DOCK9: variants seen among roughly 807,000 people sequenced by gnomAD.
DOCK9 encodes dedicator of cytokinesis protein 9.
A neutral mutation model predicts 263.3 loss-of-function variants in DOCK9; 89 were observed. That is an observed-to-expected ratio of 0.34 (90% CI 0.28 to 0.40). The LOEUF (loss-of-function observed/expected upper bound fraction) is 0.40, where lower values mean the gene tolerates loss of function less well. DOCK9 is among the 10% of genes least tolerant of loss of function. The probability of loss-of-function intolerance (pLI) is 1.00; values close to 1 mark genes in which losing one functional copy is unlikely to be tolerated. For synonymous variants in DOCK9, 976 were observed against 973.1 expected (o/e 1.00, Z -0.06); for missense variants, 2,140 against 2,603.4 (o/e 0.82, Z 3.87).
rs552657540 is a variant in DOCK9, at chr13:98,914,838, A to G, written c.893-443T>C. ...TGAAGTAAAACATGAATTGTCAAGA[A>G]CATAGCCAGATTTTTCTCACCAATT... On this transcript the variant is annotated intron_variant, in intron 8 of 52. Coordinates refer to ENST00000682017, the MANE Select transcript of DOCK9 (RefSeq NM_001366683.2). Among the ~76,000 whole-genome samples, 3 of 152,338 alleles carry G rather than the reference A, an allele frequency of 2.0e-5. No homozygotes were observed. In the South Asian group the frequency reaches 6.2e-4, roughly 32 times the overall value.
chr13:98,969,528 G>C (rs556093039), intron 1 of DOCK9, among the ~76,000 whole-genome samples: 1 of 152,270 alleles, frequency 6.6e-6, no homozygotes, highest in East Asian at 1.9e-4. Context: ...CCACTCGGGT[G>C]GTTCTTGTTG....
chr13:99,074,463 C>T (rs1050997449), intron 1 of DOCK9, among the ~76,000 whole-genome samples: 2 of 152,208 alleles, frequency 1.3e-5, no homozygotes, highest in African/African-American at 4.8e-5. Flanking sequence ...AAAAACAGCT[C>T]GGAGCAGTCT....
At position 98,797,235 on chromosome 13, in the gene DOCK9, G is replaced by A. The variant is rs41279128; in HGVS notation, c.6036C>T (p.Cys2012=). The A allele has an allele frequency of 5.5e-3, 8,835 of 1,613,846 alleles. 33 individuals are homozygous for A. The highest frequency in any genetic ancestry group is 7.4e-3 in the Middle Eastern group (45 of 6,062). ...KEVFRQFVEA[C]GQALAVNERL... ...GTTCGTTTACCGCTAAGGCTTGACC[G>A]CAAGCTTCCACAAATTGCCTGGAAT... is the stretch of plus-strand genomic sequence containing the variant. Residue 2012 remains cysteine (C), a synonymous_variant, in exon 52 of 53, where the codon TGC becomes TGT. Coordinates refer to ENST00000682017, the MANE Select transcript of DOCK9 (RefSeq NM_001366683.2).
In DOCK9 at chr13:98,831,488, C is replaced by T; in HGVS notation, c.4495G>A (p.Ala1499Thr). ...FYEGRADMCA[A>T]LCYEILKCCN... Reference sequence around the variant, plus strand: ...CACTTGAGAATCTCGTAACACAGAGCCGCACACATGTCCGCTCTCCCTTCA... The same window carrying T: ...CACTTGAGAATCTCGTAACACAGAGTCGCACACATGTCCGCTCTCCCTTCA... Residue 1499 changes from alanine to threonine, a missense_variant, in exon 41 of 53, where the codon GCT becomes ACT. Ala to Thr is a moderately conservative substitution (Grantham distance 58). This residue lies in a region of DOCK9 where 619 missense variants were observed against 861.8 expected (regional missense o/e 0.72). Coordinates refer to ENST00000682017, the MANE Select transcript of DOCK9 (RefSeq NM_001366683.2). 6.3e-7 allele frequency: 1 copy of T among 1,591,212 alleles called. No homozygotes were observed. Among genetic ancestry groups the T allele is most frequent in the East Asian group, 2.3e-5 (1 of 44,056 alleles).
chr13:98,941,237 C>G (rs2055784361), intron 2 of DOCK9, among the ~76,000 whole-genome samples: 2 of 152,164 alleles, frequency 1.3e-5, no homozygotes, highest in African/African-American at 4.8e-5. Context: ...CAGCAGAACA[C>G]CTGGCACAAG....
At chr13:98,938,389 T>C (rs150446040) in intron 2 of DOCK9, among the ~76,000 whole-genome samples, 237 of 152,378 alleles carry the variant, frequency 1.6e-3, no homozygotes, top group African/African-American at 5.5e-3. Flanking sequence ...TTCTAGGATC[T>C]CTAGGTTTCC....
At chr13:99,018,533 G>C (rs796966777) in intron 1 of DOCK9, among the ~76,000 whole-genome samples, 11 of 121,506 alleles carry the variant, frequency 9.1e-5, no homozygotes, top group African/African-American at 3.0e-4. Context: ...AGCAACTTGT[G>C]CCAAATTTTA....
At position 98,977,803 on chromosome 13, in the gene DOCK9, T is replaced by C. The variant is rs1305492065; in HGVS notation, c.107A>G (p.Glu36Gly). ...TCTTACCGGCACAGGGCCCGGGCTC[T>C]CTGCTTCCACTTCGCCCTGAGCTGC... ...KDAAQGEVEA[E>G]SPGPVPAKPK... The change falls in exon 1 of 53, where the codon GAG becomes GGG. Residue 36 changes from glutamate (E) to glycine (G), a missense_variant. This residue lies in a region of DOCK9 where 1,521 missense variants were observed against 1,741.7 expected (regional missense o/e 0.87). Coordinates refer to ENST00000682017, the MANE Select transcript of DOCK9 (RefSeq NM_001366683.2). 6.2e-7 allele frequency: 1 copy of C among 1,611,886 alleles called. No individual in the cohort carries two copies.
chr13:99,009,562 T>C (rs1467780797), intron 1 of DOCK9, among the ~76,000 whole-genome samples: 1 of 152,066 alleles, frequency 6.6e-6, no homozygotes, highest in East Asian at 1.9e-4. Flanking sequence ...AGATCTGGCC[T>C]CTACTTTCCC....
intron 1 of DOCK9, among the ~76,000 whole-genome samples, chr13:98,994,978 G>C (rs540381336): frequency 6.6e-6 from 1 of 152,218 alleles, no homozygotes; most frequent in South Asian, 2.1e-4. Flanking sequence ...CGTGAGGTAT[G>C]GTTATTACCC....
chr13:99,069,502 T>C (rs1219605519), intron 1 of DOCK9, among the ~76,000 whole-genome samples: 4 of 152,218 alleles, frequency 2.6e-5, no homozygotes, highest in Non-Finnish European at 5.9e-5. Flanking sequence ...AACACACAAG[T>C]GTAAACAAAG....
At chr13:98,907,087 A>G (rs1256152213) in intron 9 of DOCK9, among the ~76,000 whole-genome samples, 1 of 152,150 alleles carries the variant, frequency 6.6e-6, no homozygotes, top group African/African-American at 2.4e-5. Flanking sequence ...ATTTTATTCT[A>G]TCCTGCCTAT....
rs75345482 is a variant in DOCK9, at chr13:98,916,337, C to T, written c.718-834G>A. Among the ~76,000 whole-genome samples, 1,013 of 152,294 alleles carry T rather than the reference C, an allele frequency of 6.7e-3. 15 individuals are homozygous for T. Among genetic ancestry groups the T allele is most frequent in the South Asian group, 0.044 (214 of 4,820 alleles). ...AGGGAGCAAAATCTCCCCAGGTTGGCCGCAGTAGACAGAGGTTCAGCTCTG... is the reference window on the plus strand; with the variant it reads ...AGGGAGCAAAATCTCCCCAGGTTGGTCGCAGTAGACAGAGGTTCAGCTCTG... On this transcript the variant is annotated intron_variant, in intron 7 of 52. Transcript: ENST00000682017.
intron 45 of DOCK9, among the ~76,000 whole-genome samples, chr13:98,816,750 G>A (rs1304670681): frequency 6.6e-6 from 1 of 151,876 alleles, no homozygotes; most frequent in Non-Finnish European, 1.5e-5. Context: ...GTGGGAATAC[G>A]AAGGAAAAGA....
At chr13:98,866,943 A>C (rs1032551289) in intron 30 of DOCK9, 61 of 247,914 alleles carry the variant, frequency 2.5e-4, no homozygotes, top group African/African-American at 1.3e-3. Flanking sequence ...TTAAAAATTG[A>C]TCAAATTATA....
chr13:99,020,637 A>G (rs1885984753), intron 1 of DOCK9, among the ~76,000 whole-genome samples: 1 of 152,202 alleles, frequency 6.6e-6, no homozygotes, highest in African/African-American at 2.4e-5. Context: ...CAACAGACAA[A>G]TTATTTTGAT....
intron 1 of DOCK9, among the ~76,000 whole-genome samples, chr13:99,024,862 C>T (rs1263892007): frequency 1.3e-5 from 2 of 151,996 alleles, no homozygotes; most frequent in Non-Finnish European, 2.9e-5. Context: ...TAAAAAGACA[C>T]AAAATAAAAT....
chr13:99,060,569 C>T (rs1036850031), intron 1 of DOCK9, among the ~76,000 whole-genome samples: 1 of 152,174 alleles, frequency 6.6e-6, no homozygotes, highest in Non-Finnish European at 1.5e-5. Flanking sequence ...AGTGCCTGCA[C>T]CATTTAACAC....
intron 27 of DOCK9, among the ~76,000 whole-genome samples, chr13:98,873,164 G>A (rs901570782): frequency 2.6e-5 from 4 of 152,148 alleles, no homozygotes; most frequent in Non-Finnish European, 4.4e-5. Context: ...TCTCCTGAGC[G>A]CCTTCCCATT....
Sources: allele counts gnomAD v4.1 joint callset (sites outside exome capture counted in the v4.1 genomes callset), GRCh38; gene constraint gnomAD v4.1.1; regional missense constraint gnomAD v4.1.1; transcripts MANE v1.5; gene names NCBI Gene and HGNC (gene_info 2026-07-23, HGNC 2026-07-21).